TNFRSF8: variants seen among roughly 807,000 people sequenced by gnomAD.
The protein encoded by TNFRSF8 is tumor necrosis factor receptor superfamily member 8.
TNFRSF8 carries 26 observed loss-of-function variants against 70.8 expected under a neutral mutation model. The ratio of observed to expected loss-of-function variants is 0.37; its 90% CI spans 0.27 to 0.51. The LOEUF is 0.51. TNFRSF8 is among the 20% of genes least tolerant of loss of function. TNFRSF8 has a pLI of 0.94. For missense variants in TNFRSF8, 720 were observed against 807.9 expected (o/e 0.89, Z 1.32); for synonymous variants, 356 against 339.2 (o/e 1.05, Z -0.54).
intron 11 of TNFRSF8, 50 bp downstream of exon 11, chr1:12,126,102 C>A (rs761852747): frequency 6.2e-7 from 1 of 1,612,606 alleles, no homozygotes; most frequent in Non-Finnish European, 8.5e-7. Flanking sequence ...TGCTCTCTGC[C>A]AGCCTGGCCT....
rs1243303414 is a variant in TNFRSF8 at position 12,128,835 on chromosome 1, T to TTTTA, written c.1309+2602_1309+2603insATTT. ...TTGAGAACCACTGGTCTAAAATTCT[T>TTTTA]TTTTTTTTTTTTTTTTTGAGACAGA... On this transcript the variant is annotated intron_variant, in intron 12 of 14. Coordinates refer to ENST00000263932, the MANE Select transcript of TNFRSF8 (RefSeq NM_001243.5). Among the ~76,000 whole-genome samples, 718 of 129,730 alleles carry TTTTA rather than the reference T, an allele frequency of 5.5e-3. 17 individuals carry two copies. The highest frequency in any genetic ancestry group is 9.1e-3 in the Non-Finnish European group (524 of 57,538). The allele number at this position is 129,730 out of a possible 152,430, so 85.1% of individuals were successfully genotyped here. A position where few individuals can be genotyped will look rare whatever the true frequency, so the allele number is the denominator to read the frequency against.
intron 13 of TNFRSF8, among the ~76,000 whole-genome samples, chr1:12,136,649 G>GA (rs55656730): frequency 0.018 from 2,258 of 122,264 alleles, 48 homozygotes; most frequent in African/African-American, 0.046. Flanking sequence ...GACTCCATCT[G>GA]AAAAAAAAAA....
intron 1 of TNFRSF8, among the ~76,000 whole-genome samples, chr1:12,069,747 C>A (rs1427882206): frequency 6.6e-6 from 1 of 152,226 alleles, no homozygotes; most frequent in Non-Finnish European, 1.5e-5. Flanking sequence ...ATAGCAGGGT[C>A]TCTGCCCCAC....
intron 1 of TNFRSF8, among the ~76,000 whole-genome samples, chr1:12,072,814 A>C (rs1220569468): frequency 2.6e-5 from 4 of 152,192 alleles, no homozygotes; most frequent in African/African-American, 9.6e-5. Context: ...TGAGACCAGG[A>C]AACTCCTAAA....
chr1:12,081,983 TTCCTGCTTCCCTTCTCTTGCCTCAC>T (rs1641072236), intron 1 of TNFRSF8, among the ~76,000 whole-genome samples: 1 of 151,960 alleles, frequency 6.6e-6, no homozygotes, highest in Non-Finnish European at 1.5e-5. Flanking sequence ...CTTGCCTCAC[TTCCTGCTTCCCTTCTCTTGCCTCAC>T]TTCCTGCTTC....
At chr1:12,114,861 A>G (rs1238491690) in intron 7 of TNFRSF8, among the ~76,000 whole-genome samples, 1 of 151,830 alleles carries the variant, frequency 6.6e-6, no homozygotes, top group African/African-American at 2.4e-5. Flanking sequence ...GGCACGTGCC[A>G]CCAGGCATGG....
intron 1 of TNFRSF8, among the ~76,000 whole-genome samples, chr1:12,075,231 G>A (rs1640917416): frequency 6.7e-6 from 1 of 148,838 alleles, no homozygotes; most frequent in East Asian, 2.0e-4. Context: ...GCGACAGAGT[G>A]AGACTCTGCC....
At chr1:12,096,062 G>A (rs1641325591) in intron 2 of TNFRSF8, among the ~76,000 whole-genome samples, 1 of 152,258 alleles carries the variant, frequency 6.6e-6, no homozygotes, top group South Asian at 2.1e-4. Flanking sequence ...AACTCTCAGA[G>A]ATGAGGCTTA....
chr1:12,070,992 C>A (rs1236229053), intron 1 of TNFRSF8, among the ~76,000 whole-genome samples: 3 of 152,074 alleles, frequency 2.0e-5, no homozygotes, highest in African/African-American at 7.2e-5. Flanking sequence ...AGCCCAAGAC[C>A]CCCTTTTTTT....
At chr1:12,135,725 G>A in intron 13 of TNFRSF8, 112 bp downstream of exon 13, 1 of 1,450,826 alleles carries the variant, frequency 6.9e-7, no homozygotes, top group Non-Finnish European at 9.4e-7. Context: ...GGAGGGGACG[G>A]ACTGGCCATT....
chr1:12,133,153 C>G (rs1642079894), intron 12 of TNFRSF8, among the ~76,000 whole-genome samples: 1 of 152,036 alleles, frequency 6.6e-6, no homozygotes, highest in Non-Finnish European at 1.5e-5. Context: ...AGGGTGTGTT[C>G]CCTCAAGAGG....
chr1:12,122,474 C>A (rs566984303), intron 8 of TNFRSF8, among the ~76,000 whole-genome samples: 5 of 151,888 alleles, frequency 3.3e-5, no homozygotes, highest in Non-Finnish European at 7.4e-5. Context: ...TGGTGAAACC[C>A]TGTTTCTACT....
Position 12,125,959 on chromosome 1 carries a change from C to T in TNFRSF8, c.1162C>T (p.Leu388Phe). 6.2e-7 allele frequency: 1 copy of T among 1,614,030 alleles called. No individual in the cohort carries two copies. Among genetic ancestry groups the T allele is most frequent in the South Asian group, 1.1e-5 (1 of 91,078 alleles). Residue 388 changes from leucine to phenylalanine, a missense_variant, in exon 11 of 15, where the codon CTC becomes TTC. Coordinates refer to ENST00000263932, the MANE Select transcript of TNFRSF8 (RefSeq NM_001243.5). ...GCGTCTCTGTGTTCCAGGGCCAGTG[C>T]TCTTCTGGGTGATCCTGGTGTTGGT... ...GKPVLDAGPV[L>F]FWVILVLVVV... is the part of the protein sequence containing the mutation.
chr1:12,131,938 C>T (rs537605908), intron 12 of TNFRSF8, among the ~76,000 whole-genome samples: 10 of 151,978 alleles, frequency 6.6e-5, no homozygotes, highest in East Asian at 3.9e-4. Flanking sequence ...GGATTATAGG[C>T]GCGCGCCACC....
chr1:12,130,404 G>A (rs894127659), intron 12 of TNFRSF8, among the ~76,000 whole-genome samples: 1 of 152,104 alleles, frequency 6.6e-6, no homozygotes, highest in African/African-American at 2.4e-5. Flanking sequence ...CTTTGAGCAC[G>A]TCCCTTATTC....
intron 2 of TNFRSF8, among the ~76,000 whole-genome samples, chr1:12,096,424 TAAAA>T (rs34433681): frequency 8.9e-5 from 12 of 135,068 alleles, no homozygotes; most frequent in Middle Eastern, 4.0e-3. Flanking sequence ...GCTGATGAGC[TAAAA>T]AAAAAAAAAA....
rs1329047849 is a variant in TNFRSF8 at position 12,115,487 on chromosome 1, C to T, written c.794-90C>T. 4 of 1,417,448 alleles carry T rather than the reference C, an allele frequency of 2.8e-6. No individual in the cohort carries two copies. In the African/African-American group the frequency reaches 4.2e-5, roughly 15 times the overall value. The allele number at this position is 1,417,448 out of a possible 1,614,324, so 87.8% of individuals were successfully genotyped here. A position where few individuals can be genotyped will look rare whatever the true frequency, so the allele number is the denominator to read the frequency against. On this transcript the variant is annotated intron_variant, in intron 7 of 14. Coordinates refer to ENST00000263932, the MANE Select transcript of TNFRSF8 (RefSeq NM_001243.5). Reference sequence around the variant, plus strand: ...ATTTTCTTGTTGGATGACCCTTGGACAACTGCTTCTCTGTCTTCCTGGGGG... The same window carrying T: ...ATTTTCTTGTTGGATGACCCTTGGATAACTGCTTCTCTGTCTTCCTGGGGG...
At position 12,135,603 on chromosome 1, in the gene TNFRSF8, G is replaced by A. The variant is rs781282282; in HGVS notation, c.1325G>A (p.Arg442Lys). ...KLELVDSRPR[R>K]SSTQLRSGAS... is the part of the protein sequence containing the mutation. Reference sequence around the variant, plus strand: ...CTTTTTGCAGATTCCAGACCCAGGAGGAGCTCAACGGTAAGTACCCCTCCC... The same window carrying A: ...CTTTTTGCAGATTCCAGACCCAGGAAGAGCTCAACGGTAAGTACCCCTCCC... Residue 442 changes from arginine (R) to lysine (K), a missense_variant, in exon 13 of 15, where the codon AGG becomes AAG. By Grantham distance (26) the Arg-to-Lys change is conservative (BLOSUM62 2). Transcript: ENST00000263932. The A allele has an allele frequency of 1.1e-5, 18 of 1,614,058 alleles. No homozygotes were observed. The East Asian group carries it at 3.6e-4, about 32-fold the overall frequency.
chr1:12,140,804 C>T (rs1024593129), intron 14 of TNFRSF8, among the ~76,000 whole-genome samples: 6 of 151,030 alleles, frequency 4.0e-5, no homozygotes, highest in African/African-American at 1.5e-4. Context: ...ACCCTCACTT[C>T]CCTCCCACCT....
Sources: allele counts gnomAD v4.1 joint callset (sites outside exome capture counted in the v4.1 genomes callset), GRCh38; gene constraint gnomAD v4.1.1; transcripts MANE v1.5; gene names NCBI Gene and HGNC (gene_info 2026-07-23, HGNC 2026-07-21).